The following PROSER1 variants were observed in gnomAD, a reference collection of about 807,000 sequenced individuals.
The protein encoded by PROSER1 is proline and serine rich 1, also known as proline and serine-rich protein 1.
Under a neutral mutation model 71.8 loss-of-function variants are expected in PROSER1, and 36 were observed. The observed-to-expected ratio is 0.50, with a 90% CI of 0.38 to 0.66. The LOEUF (loss-of-function observed/expected upper bound fraction) is 0.66. Among genes scored for constraint, PROSER1 ranks in the 30% least tolerant of loss-of-function variants. PROSER1 has a pLI of 0.00. For synonymous variants in PROSER1, 490 were observed against 452.4 expected (o/e 1.08, Z -1.06); for missense variants, 1,107 against 1,135.0 (o/e 0.98, Z 0.35).
chr13:39,017,083 T>C (rs1216181830), intron 10 of PROSER1, among the ~76,000 whole-genome samples: 1 of 152,234 alleles, frequency 6.6e-6, no homozygotes, highest in Non-Finnish European at 1.5e-5. Flanking sequence ...CATTAAGATA[T>C]GCTTAATAAT....
chr13:39,027,540 C>A (rs950795932), intron 5 of PROSER1, among the ~76,000 whole-genome samples: 1 of 152,106 alleles, frequency 6.6e-6, no homozygotes, highest in Non-Finnish European at 1.5e-5. Context: ...GTCAAGAAAA[C>A]TGGTAAGGAA....
At chr13:39,030,341 A>C (rs1036095394) in intron 3 of PROSER1, among the ~76,000 whole-genome samples, 2 of 152,194 alleles carry the variant, frequency 1.3e-5, no homozygotes, top group Non-Finnish European at 2.9e-5. Flanking sequence ...AAAACAATCA[A>C]ATCAGACTGA....
In PROSER1 at chr13:39,013,020, C is replaced by T. The variant is rs111654569; in HGVS notation, c.2232G>A (p.Thr744=). 2.9e-4 allele frequency: 463 copies of T among 1,613,936 alleles called. 1 individual carries two copies. The African/African-American group carries it at 5.0e-3, about 17-fold the overall frequency. ...TSTSLPHPSS[T]AAVLSGLSAS... is the part of the protein sequence containing the mutation. Reference sequence around the variant, plus strand: ...CAGAAAGCCCTGAGAGAACAGCTGCCGTTGAGCTAGGATGAGGGAGAGATG... The same window carrying T: ...CAGAAAGCCCTGAGAGAACAGCTGCTGTTGAGCTAGGATGAGGGAGAGATG... The change falls in exon 11 of 13, where the codon ACG becomes ACA. Residue 744 remains threonine, a synonymous_variant. Transcript: ENST00000352251.
At position 39,037,577 on chromosome 13, in the gene PROSER1, G is replaced by A. The variant is rs1451905693; in HGVS notation, c.-335C>T. On this transcript the variant is annotated 5_prime_UTR_variant, in exon 1 of 13. Transcript: ENST00000352251. ...CGGGCTCGGCGGCAGGTTTGAGTGC[G>A]GTTTCCCTGCAGCTGAGGGCCAGGT... 2 of 235,478 alleles carry A rather than the reference G, an allele frequency of 8.5e-6. No homozygotes were observed. The highest frequency in any genetic ancestry group is 1.6e-5 in the Non-Finnish European group (2 of 121,678). The allele number at this position is 235,478 out of a possible 1,614,324, so 14.6% of individuals were successfully genotyped here.
At chr13:39,033,057 A>G (rs764161704) in intron 2 of PROSER1, among the ~76,000 whole-genome samples, 2 of 152,072 alleles carry the variant, frequency 1.3e-5, no homozygotes, top group Middle Eastern at 3.4e-3. Flanking sequence ...AACAGCTGGG[A>G]TTACAGGCAC....
chr13:39,025,943 G>A (rs1014295015), intron 6 of PROSER1, among the ~76,000 whole-genome samples: 1 of 152,172 alleles, frequency 6.6e-6, no homozygotes, highest in Admixed American at 6.5e-5. Flanking sequence ...AGGAAACACT[G>A]TATGCAAAGT....
intron 5 of PROSER1, among the ~76,000 whole-genome samples, chr13:39,027,590 T>C (rs1317573979): frequency 6.6e-6 from 1 of 152,208 alleles, no homozygotes; most frequent in African/African-American, 2.4e-5. Flanking sequence ...TCTTAACTCT[T>C]CTACAACAAT....
In PROSER1 at chr13:39,014,006, A is replaced by C. The variant is rs751700894; in HGVS notation, c.1246T>G (p.Ser416Ala). ...GAAGCAGAATTTGGGTTGCTGGTAG[A>C]AGCAGCAGAAGAGCTGGTGGAAAAG... ...LPFSTSSSAA[S>A]TSNPNSASLS... The change falls in exon 11 of 13, where the codon TCT becomes GCT. Residue 416 changes from serine to alanine, a missense_variant. Physicochemically the swap from Ser to Ala is moderately conservative, Grantham distance 99. Coordinates refer to ENST00000352251, the MANE Select transcript of PROSER1 (RefSeq NM_025138.5). The C allele has an allele frequency of 6.2e-6, 10 of 1,614,020 alleles. No individual in the cohort carries two copies. Among genetic ancestry groups the C allele is most frequent in the South Asian group, 1.1e-5 (1 of 91,078 alleles).
Position 39,037,590 on chromosome 13 carries a change from C to T in PROSER1, c.-348G>A. On this transcript the variant is annotated 5_prime_UTR_variant, in exon 1 of 13. Transcript: ENST00000352251. Reference sequence around the variant, plus strand: ...AGGTTTGAGTGCGGTTTCCCTGCAGCTGAGGGCCAGGTGCCGCCAGAGGTA... The same window carrying T: ...AGGTTTGAGTGCGGTTTCCCTGCAGTTGAGGGCCAGGTGCCGCCAGAGGTA... 4.6e-6 allele frequency: 1 copy of T among 215,104 alleles called. No individual in the cohort carries two copies. Among genetic ancestry groups the T allele is most frequent in the Non-Finnish European group, 9.2e-6 (1 of 108,840 alleles). 13.3% of individuals were successfully genotyped at this position (215,104 alleles called of 1,614,324 possible).
intron 5 of PROSER1, 27 bp downstream of exon 5, chr13:39,028,200 A>C (rs1870636519): frequency 2.4e-6 from 3 of 1,257,876 alleles, no homozygotes; most frequent in East Asian, 2.3e-5. Flanking sequence ...CAGCGTACCA[A>C]GTACATGACA....
intron 10 of PROSER1, among the ~76,000 whole-genome samples, 176 bp from the exon 11 acceptor site, chr13:39,014,652 T>C (rs1236920840): frequency 6.6e-6 from 1 of 152,250 alleles, no homozygotes; most frequent in African/African-American, 2.4e-5. Context: ...ATCTTTACTC[T>C]GGAGCCAGTC....
chr13:39,026,572 G>T, intron 5 of PROSER1, 185 bp from the exon 6 acceptor site: 1 of 472,354 alleles, frequency 2.1e-6, no homozygotes, highest in Non-Finnish European at 3.7e-6. Flanking sequence ...TATTTAAATG[G>T]AATAATTAAA....
chr13:39,015,840 A>G (rs1203423683), intron 10 of PROSER1, among the ~76,000 whole-genome samples: 1 of 151,980 alleles, frequency 6.6e-6, no homozygotes, highest in Non-Finnish European at 1.5e-5. Flanking sequence ...CAGTACCTAT[A>G]AAAATGGATT....
chr13:39,022,273 G>T, intron 9 of PROSER1, 53 bp downstream of exon 9: 1 of 1,158,828 alleles, frequency 8.6e-7, no homozygotes, highest in Non-Finnish European at 1.3e-6. Flanking sequence ...TCCGTTCCAA[G>T]TGTACATTTG....
chr13:39,034,820 T>A (rs1566029806), intron 1 of PROSER1, among the ~76,000 whole-genome samples: 1 of 152,220 alleles, frequency 6.6e-6, no homozygotes, highest in East Asian at 1.9e-4. Context: ...AGAATTACTA[T>A]GAAGACTATA....
rs1025820169 is a variant in PROSER1 at position 39,038,089 on chromosome 13, T to G, written c.-847A>C. Reference sequence around the variant, plus strand: ...GCCGCCAGCTTGGGCCCCTCTTTCCTGAAAGCCAGAGGTGGGGTCCTGGTG... The same window carrying G: ...GCCGCCAGCTTGGGCCCCTCTTTCCGGAAAGCCAGAGGTGGGGTCCTGGTG... On this transcript the variant is annotated 5_prime_UTR_variant, in exon 1 of 13. Transcript: ENST00000352251. The G allele has an allele frequency of 2.0e-5, 3 of 153,626 alleles. No individual in the cohort carries two copies. The highest frequency in any genetic ancestry group is 4.8e-5 in the African/African-American group (2 of 41,400). 9.5% of individuals were successfully genotyped at this position (153,626 alleles called of 1,614,324 possible).
intron 8 of PROSER1, chr13:39,022,797 C>T (rs184284713): frequency 2.2e-5 from 9 of 407,662 alleles, no homozygotes; most frequent in Non-Finnish European, 3.9e-5. Context: ...GATGATTTAC[C>T]AAAGTGAAAA....
intron 10 of PROSER1, among the ~76,000 whole-genome samples, chr13:39,014,727 C>T (rs1478231548): frequency 2.0e-5 from 3 of 152,152 alleles, no homozygotes; most frequent in African/African-American, 4.8e-5. Flanking sequence ...TTTTGAGAAG[C>T]TTGCGAAGTG....
intron 3 of PROSER1, among the ~76,000 whole-genome samples, chr13:39,030,836 G>A (rs114162200): frequency 1.3e-3 from 205 of 152,132 alleles, no homozygotes; most frequent in African/African-American, 4.8e-3. Context: ...CAGAGAACAG[G>A]TGCGATAACT....
Sources: allele counts gnomAD v4.1 joint callset (sites outside exome capture counted in the v4.1 genomes callset), GRCh38; gene constraint gnomAD v4.1.1; transcripts MANE v1.5; gene names NCBI Gene and HGNC (gene_info 2026-07-23, HGNC 2026-07-21).